PELI1: variants seen among roughly 807,000 people sequenced by gnomAD.
PELI1 encodes the protein E3 ubiquitin-protein ligase pellino homolog 1.
In PELI1, 15 loss-of-function variants were observed where a neutral mutation model predicts 41.3. The observed-to-expected ratio is 0.36, with a 90% CI of 0.24 to 0.56. The LOEUF is 0.56. Among genes scored for constraint, PELI1 ranks in the 20% least tolerant of loss-of-function variants. The pLI, the probability that PELI1 is intolerant of heterozygous loss-of-function variation, is 0.82. For synonymous variants in PELI1, 178 were observed against 180.1 expected (o/e 0.99, Z 0.09); for missense variants, 403 against 525.5 (o/e 0.77, Z 2.28).
intron 4 of PELI1, among the ~76,000 whole-genome samples, chr2:64,098,674 T>C (rs184778933): frequency 9.8e-5 from 15 of 152,320 alleles, no homozygotes; most frequent in African/African-American, 2.4e-4. Context: ...ATGTACTTCA[T>C]AGTGACAAAC....
At chr2:64,107,757 A>C (rs1211685709) in intron 2 of PELI1, among the ~76,000 whole-genome samples, 1 of 151,808 alleles carries the variant, frequency 6.6e-6, no homozygotes, top group Non-Finnish European at 1.5e-5. Context: ...AGCTCACTGC[A>C]ACCTCTGCCT....
rs566777671 is a variant in PELI1 at position 64,139,001 on chromosome 2, C to A, written c.-70+5080G>T. On this transcript the variant is annotated intron_variant, in intron 1 of 6. Transcript: ENST00000358912. ...CCTTTCAATATTTTGAAGTAAAAAC[C>A]CACACATCACATTTTAAGTTGTAAA... is the stretch of plus-strand genomic sequence containing the variant. 8.5e-5 allele frequency among the ~76,000 whole-genome samples: 13 copies of A among 152,240 alleles called. No individual in the cohort carries two copies. The East Asian group carries it at 2.5e-3, about 29-fold the overall frequency.
intron 6 of PELI1, 59 bp downstream of exon 6, chr2:64,096,066 G>A: frequency 8.5e-7 from 1 of 1,182,198 alleles, no homozygotes; most frequent in Non-Finnish European, 1.2e-6. Context: ...AATGCATTCA[G>A]TTCTACTCAT....
rs956140078 is a variant in PELI1 at position 64,094,609 on chromosome 2, A to G, written c.*93T>C. 9 of 774,970 alleles carry G rather than the reference A, an allele frequency of 1.2e-5. No homozygotes were observed. In the African/African-American group the frequency reaches 1.6e-4, roughly 14 times the overall value. The allele number at this position is 774,970 out of a possible 1,614,324, so 48.0% of individuals were successfully genotyped here. A position where few individuals can be genotyped will look rare whatever the true frequency, so the allele number is the denominator to read the frequency against. On this transcript the variant is annotated 3_prime_UTR_variant, in exon 7 of 7. Coordinates refer to ENST00000358912, the MANE Select transcript of PELI1 (RefSeq NM_020651.4). Reference sequence around the variant, plus strand: ...ATTCTTCATCTTAATGCAAATGACCAGAGCAGAAAAACTGTGACGTGGACA... The same window carrying G: ...ATTCTTCATCTTAATGCAAATGACCGGAGCAGAAAAACTGTGACGTGGACA...
chr2:64,094,904 C>A lies in PELI1; in HGVS notation c.1055G>T (p.Gly352Val). 6 of 1,614,206 alleles carry A rather than the reference C, an allele frequency of 3.7e-6. No homozygotes were observed. The highest frequency in any genetic ancestry group is 5.1e-6 in the Non-Finnish European group (6 of 1,180,044). The change falls in exon 7 of 7, where the codon GGA (glycine) becomes GTA (valine). Residue 352 changes from glycine to valine, a missense_variant. Coordinates refer to ENST00000358912, the MANE Select transcript of PELI1 (RefSeq NM_020651.4). Reference protein sequence around the residue: ...YVPLWLGCEAGFYVDAGPPTH... With the variant: ...YVPLWLGCEAVFYVDAGPPTH... Reference sequence around the variant, plus strand: ...TGGAGGGCCGGCGTCCACATAAAATCCAGCTTCACATCCAAGCCACAGAGG... The same window carrying A: ...TGGAGGGCCGGCGTCCACATAAAATACAGCTTCACATCCAAGCCACAGAGG...
In PELI1 at chr2:64,095,169, T is replaced by C; in HGVS notation, c.790A>G (p.Thr264Ala). 1 of 1,614,084 alleles carries C rather than the reference T, an allele frequency of 6.2e-7. No homozygotes were observed. The highest frequency in any genetic ancestry group is 8.5e-7 in the Non-Finnish European group (1 of 1,179,938). Residue 264 changes from threonine (T) to alanine (A), a missense_variant, in exon 7 of 7, where the codon ACC becomes GCC. Physicochemically the swap from Thr to Ala is moderately conservative, Grantham distance 58. Coordinates refer to ENST00000358912, the MANE Select transcript of PELI1 (RefSeq NM_020651.4). The part of the protein sequence containing the change: ...RTAEGLSHTP[T>A]VKHLEALRQE... ...CTTAAAGCTTCTAAATGCTTCACGGTAGGAGTGTGGGAAAGGCCTTCTGCA... is the reference window on the plus strand; with the variant it reads ...CTTAAAGCTTCTAAATGCTTCACGGCAGGAGTGTGGGAAAGGCCTTCTGCA...
intron 2 of PELI1, among the ~76,000 whole-genome samples, chr2:64,106,974 T>C (rs1680642545): frequency 2.6e-5 from 4 of 152,264 alleles, no homozygotes; most frequent in Admixed American, 6.5e-5. Context: ...GTTGCCCAGG[T>C]TGGAGTGCAG....
In PELI1 at chr2:64,102,621, T is replaced by C. The variant is rs1350122411; in HGVS notation, c.201+2080A>G. Among the ~76,000 whole-genome samples the C allele has an allele frequency of 2.0e-5, 3 of 152,198 alleles. No individual in the cohort carries two copies. The East Asian group carries it at 5.8e-4, about 29-fold the overall frequency. ...GGCTAAAGAGATTTTAAAACATTGGTTTTTATGTGCTTTGAAATTGTAATC... is the reference window on the plus strand; with the variant it reads ...GGCTAAAGAGATTTTAAAACATTGGCTTTTATGTGCTTTGAAATTGTAATC... On this transcript the variant is annotated intron_variant, in intron 3 of 6. Coordinates refer to ENST00000358912, the MANE Select transcript of PELI1 (RefSeq NM_020651.4).
rs200046791 is a variant in PELI1, at chr2:64,124,267, AGT to A, written c.-69-15890_-69-15889del. On this transcript the variant is annotated intron_variant, in intron 1 of 6. Coordinates refer to ENST00000358912, the MANE Select transcript of PELI1 (RefSeq NM_020651.4). ...CTGAGACTATACTAAAAACCACTGA[AGT>A]GTACACTTTAAGTGTTTACATAAAT... Among the ~76,000 whole-genome samples the A allele has an allele frequency of 8.1e-3, 1,229 of 152,320 alleles. 7 individuals are homozygous for A. The highest frequency in any genetic ancestry group is 0.011 in the Non-Finnish European group (761 of 68,026).
chr2:64,102,854 TTA>T lies in PELI1; in HGVS notation c.201+1845_201+1846del, dbSNP rs1175386478. Among the ~76,000 whole-genome samples the T allele has an allele frequency of 5.7e-3, 787 of 136,922 alleles. 12 individuals carry two copies. The East Asian group carries it at 0.074, about 13-fold the overall frequency. The allele number at this position is 136,922 out of a possible 152,430, so 89.8% of individuals were successfully genotyped here. Reference sequence around the variant, plus strand: ...GTCAATCTTTTTTTTTTTTTTTTTTTTAAACTGAGACAGGGTCTCACTCTGTC... The same window carrying T: ...GTCAATCTTTTTTTTTTTTTTTTTTTAACTGAGACAGGGTCTCACTCTGTC... On this transcript the variant is annotated intron_variant, in intron 3 of 6. Coordinates refer to ENST00000358912, the MANE Select transcript of PELI1 (RefSeq NM_020651.4).
At position 64,130,457 on chromosome 2, in the gene PELI1, C is replaced by T. The variant is rs528341113; in HGVS notation, c.-70+13624G>A. The stretch of plus-strand genomic sequence containing the variant: ...TCTTTTCCCAGTCTGAAAGTTTTTC[C>T]TTATTCCCTAAACTGGGTATAATCT... On this transcript the variant is annotated intron_variant, in intron 1 of 6. Transcript: ENST00000358912. 2.0e-5 allele frequency among the ~76,000 whole-genome samples: 3 copies of T among 152,248 alleles called. No homozygotes were observed. In the East Asian group the frequency reaches 5.8e-4, roughly 29 times the overall value.
rs1680133251 is a variant in PELI1 at position 64,093,900 on chromosome 2, T to C, written c.*802A>G. 6.6e-6 allele frequency: 1 copy of C among 152,612 alleles called. No homozygotes were observed. The highest frequency in any genetic ancestry group is 2.1e-4 in the South Asian group (1 of 4,832). 9.5% of individuals were successfully genotyped at this position (152,612 alleles called of 1,614,324 possible). ...GATACTAAAAACAGATTAGTTATCA[T>C]GGGAGAAAAATAGATAATCTAGATT... On this transcript the variant is annotated 3_prime_UTR_variant, in exon 7 of 7. Coordinates refer to ENST00000358912, the MANE Select transcript of PELI1 (RefSeq NM_020651.4).
Position 64,096,292 on chromosome 2 carries a change from T to A in PELI1, c.523A>T (p.Thr175Ser). 2 of 1,613,966 alleles carry A rather than the reference T, an allele frequency of 1.2e-6. No individual in the cohort carries two copies. Among genetic ancestry groups the A allele is most frequent in the South Asian group, 2.2e-5 (2 of 91,068 alleles). The change falls in exon 6 of 7, where the codon ACA becomes TCA. Residue 175 changes from threonine (T) to serine (S), a missense_variant. Physicochemically the swap from Thr to Ser is moderately conservative, Grantham distance 58. Coordinates refer to ENST00000358912, the MANE Select transcript of PELI1 (RefSeq NM_020651.4). ...FLGEKAAKWK[T>S]SDGQMDGLTT... Reference sequence around the variant, plus strand: ...AAGCCATCCATCTGTCCATCTGATGTCTTCCATTTGGCAGCCTTCTCCTAG... The same window carrying A: ...AAGCCATCCATCTGTCCATCTGATGACTTCCATTTGGCAGCCTTCTCCTAG...
chr2:64,116,455 G>T (rs1341018368), intron 1 of PELI1, among the ~76,000 whole-genome samples: 2 of 152,186 alleles, frequency 1.3e-5, no homozygotes, highest in Non-Finnish European at 1.5e-5. Context: ...ACAAAAACAT[G>T]AGATAAAAGG....
intron 1 of PELI1, among the ~76,000 whole-genome samples, chr2:64,109,299 GATA>G (rs1375849862): frequency 1.3e-5 from 2 of 152,210 alleles, no homozygotes; most frequent in African/African-American, 4.8e-5. Flanking sequence ...AGAAGGTTTA[GATA>G]ATATCCAGAG....
intron 1 of PELI1, among the ~76,000 whole-genome samples, chr2:64,142,312 C>T (rs779838623): frequency 6.6e-6 from 1 of 151,982 alleles, no homozygotes; most frequent in Non-Finnish European, 1.5e-5. Flanking sequence ...AATAAAATAA[C>T]GAACATCTCA....
At chr2:64,141,135 T>C (rs1681899443) in intron 1 of PELI1, among the ~76,000 whole-genome samples, 1 of 152,174 alleles carries the variant, frequency 6.6e-6, no homozygotes, top group Non-Finnish European at 1.5e-5. Flanking sequence ...AACTAGAATT[T>C]TGTCCCTTAT....
At position 64,108,260 on chromosome 2, in the gene PELI1, A is replaced by C; in HGVS notation, c.51T>G (p.Tyr17Ter). Residue 17 changes from tyrosine to a stop codon, truncating the protein, a stop_gained, in exon 2 of 7, where the codon TAT becomes TAG. Transcript: ENST00000358912. LOFTEE classifies it high-confidence loss of function. ...CTTACCCTAAGACAATGAGTTCACC[A>C]TATTTTACTGGTGCTTTAGATGGAT... is the stretch of plus-strand genomic sequence containing the variant. ...ENHPSKAPVK[Y>*]GELIVLGYNG... 1.3e-6 allele frequency: 2 copies of C among 1,591,558 alleles called. No homozygotes were observed. Among genetic ancestry groups the C allele is most frequent in the Non-Finnish European group, 1.7e-6 (2 of 1,159,472 alleles).
intron 3 of PELI1, among the ~76,000 whole-genome samples, chr2:64,104,027 A>C (rs1680534244): frequency 6.6e-6 from 1 of 152,214 alleles, no homozygotes; most frequent in African/African-American, 2.4e-5. Context: ...AGTATCCTGA[A>C]ATGGTGGTCC....
Sources: gnomAD v4.1 joint callset for allele counts (sites outside exome capture counted in the v4.1 genomes callset) on GRCh38, gnomAD v4.1.1 for gene constraint, MANE v1.5 for transcripts, NCBI Gene and HGNC (gene_info 2026-07-23, HGNC 2026-07-21) for gene names.